Variants in GALNT17 observed in about 807,000 individuals in gnomAD.
GALNT17 encodes the protein polypeptide N-acetylgalactosaminyltransferase 17.
A neutral mutation model predicts 63.7 loss-of-function variants in GALNT17; 29 were observed. The observed-to-expected ratio is 0.46, with a 90% CI of 0.34 to 0.62. The LOEUF is 0.62. Ranked by LOEUF, GALNT17 falls within the 20% of genes least tolerant of loss-of-function variation. The pLI, the probability that GALNT17 is intolerant of heterozygous loss-of-function variation, is 0.01. For missense variants in GALNT17, 603 were observed against 799.6 expected (o/e 0.75, Z 2.97); for synonymous variants, 305 against 318.3 (o/e 0.96, Z 0.45).
intron 2 of GALNT17, among the ~76,000 whole-genome samples, chr7:71,343,612 C>T (rs1394326556): frequency 6.6e-6 from 1 of 152,056 alleles, no homozygotes; most frequent in Non-Finnish European, 1.5e-5. Flanking sequence ...TTCTTCCCTG[C>T]TTTAAAGTGT....
At chr7:71,534,644 C>T (rs575526259) in intron 5 of GALNT17, among the ~76,000 whole-genome samples, 1 of 150,540 alleles carries the variant, frequency 6.6e-6, no homozygotes, top group South Asian at 2.1e-4. Context: ...AACTCATTCA[C>T]TATCACAAGA....
intron 1 of GALNT17, among the ~76,000 whole-genome samples, chr7:71,236,205 A>T (rs1562937416): frequency 6.6e-6 from 1 of 151,596 alleles, no homozygotes; most frequent in Non-Finnish European, 1.5e-5. Flanking sequence ...AAAAAAAAAA[A>T]TAAAAATCTA....
chr7:71,528,883 C>A (rs1354571259), intron 5 of GALNT17, among the ~76,000 whole-genome samples: 2 of 152,048 alleles, frequency 1.3e-5, no homozygotes, highest in Non-Finnish European at 2.9e-5. Flanking sequence ...ACCTGTAATC[C>A]CAGCACTTCG....
intron 1 of GALNT17, among the ~76,000 whole-genome samples, chr7:71,251,176 T>G: frequency 7.1e-6 from 1 of 139,990 alleles, no homozygotes; most frequent in South Asian, 2.7e-4. Flanking sequence ...CCTCCCCCTT[T>G]TGCTATTGGG....
chr7:71,173,464 GTCTT>G (rs1469395327), intron 1 of GALNT17, among the ~76,000 whole-genome samples: 1 of 152,096 alleles, frequency 6.6e-6, no homozygotes, highest in Non-Finnish European at 1.5e-5. Context: ...TAATATTACT[GTCTT>G]TCTTATTAAA....
At chr7:71,204,180 T>C (rs1158475985) in intron 1 of GALNT17, among the ~76,000 whole-genome samples, 1 of 152,172 alleles carries the variant, frequency 6.6e-6, no homozygotes, top group East Asian at 1.9e-4. Context: ...TGTGTGTTCT[T>C]GGCACCTCTG....
chr7:71,300,907 A>C (rs1405966924), intron 1 of GALNT17: 1 of 152,994 alleles, frequency 6.5e-6, no homozygotes, highest in Admixed American at 6.5e-5. Flanking sequence ...GGACTCAGTT[A>C]TTTTCGGTAA....
At chr7:71,402,926 C>A (rs987134231) in intron 3 of GALNT17, among the ~76,000 whole-genome samples, 13 of 152,176 alleles carry the variant, frequency 8.5e-5, no homozygotes. Flanking sequence ...TTGAACATCA[C>A]CTGCCTTCCC....
chr7:71,293,942 G>C (rs764697399), intron 1 of GALNT17, among the ~76,000 whole-genome samples: 1 of 152,114 alleles, frequency 6.6e-6, no homozygotes, highest in Non-Finnish European at 1.5e-5. Flanking sequence ...GGTGGGTCAC[G>C]AGGTCAGGAG....
chr7:71,535,024 C>T (rs1421986176), intron 5 of GALNT17, among the ~76,000 whole-genome samples: 1 of 152,120 alleles, frequency 6.6e-6, no homozygotes, highest in East Asian at 1.9e-4. Context: ...GTACATACAA[C>T]CCTCGTCCCC....
At chr7:71,450,570 T>C (rs10225351) in intron 5 of GALNT17, among the ~76,000 whole-genome samples, 3,561 of 152,318 alleles carry the variant, frequency 0.023, 55 homozygotes, top group African/African-American at 0.045. Context: ...TTAAAGTGTA[T>C]AATTAAATGG....
intron 6 of GALNT17, among the ~76,000 whole-genome samples, chr7:71,648,893 A>G (rs1020419592): frequency 6.6e-6 from 1 of 152,198 alleles, no homozygotes; most frequent in Non-Finnish European, 1.5e-5. Flanking sequence ...CAGTGCTGTG[A>G]CTCCAGGACT....
At chr7:71,250,150 C>G (rs150649702) in intron 1 of GALNT17, among the ~76,000 whole-genome samples, 3 of 152,196 alleles carry the variant, frequency 2.0e-5, no homozygotes, top group Non-Finnish European at 4.4e-5. Context: ...TATTGGAAAG[C>G]ATTAGTTTCT....
intron 5 of GALNT17, among the ~76,000 whole-genome samples, chr7:71,560,193 CAAAAAAAA>C (rs57189106): frequency 7.4e-5 from 7 of 94,478 alleles, no homozygotes; most frequent in Non-Finnish European, 3.9e-5. Context: ...GACTCCATCT[CAAAAAAAA>C]AAAAAAAAAA....
intron 5 of GALNT17, among the ~76,000 whole-genome samples, chr7:71,557,791 A>C (rs1249730529): frequency 6.6e-6 from 1 of 150,980 alleles, no homozygotes; most frequent in African/African-American, 2.4e-5. Context: ...ACTCTTAAAT[A>C]CCCGGGCGCA....
chr7:71,476,408 G>A (rs1337285098), intron 5 of GALNT17, among the ~76,000 whole-genome samples: 4 of 152,032 alleles, frequency 2.6e-5, no homozygotes, highest in Non-Finnish European at 4.4e-5. Flanking sequence ...CGAATATCCC[G>A]GAGAGCGTGA....
intron 9 of GALNT17, among the ~76,000 whole-genome samples, chr7:71,694,066 C>T (rs1408619692): frequency 6.6e-6 from 1 of 152,088 alleles, no homozygotes; most frequent in African/African-American, 2.4e-5. Context: ...GGGGAGGCCT[C>T]ACAATCACGG....
At chr7:71,638,552 G>A (rs779027065) in intron 6 of GALNT17, among the ~76,000 whole-genome samples, 1 of 152,150 alleles carries the variant, frequency 6.6e-6, no homozygotes, top group East Asian at 1.9e-4. Context: ...GGATGTGGAC[G>A]AAAAGGGCAT....
intron 6 of GALNT17, among the ~76,000 whole-genome samples, chr7:71,601,856 G>A (rs753688422): frequency 7.2e-5 from 11 of 152,164 alleles, no homozygotes; most frequent in Admixed American, 3.9e-4. Context: ...AGGAGGCAGG[G>A]GGTTGAGAGT....
Sources: gnomAD v4.1 joint callset for allele counts (sites outside exome capture counted in the v4.1 genomes callset) on GRCh38, gnomAD v4.1.1 for gene constraint, MANE v1.5 for transcripts, NCBI Gene and HGNC (gene_info 2026-07-23, HGNC 2026-07-21) for gene names.